The following CDH13 variants were observed in gnomAD, a reference collection of about 807,000 sequenced individuals.
CDH13 encodes cadherin 13, also known as cadherin-13.
In CDH13, 24 loss-of-function variants were observed where a neutral mutation model predicts 63.8. The ratio of observed to expected loss-of-function variants is 0.38; its 90% confidence interval spans 0.27 to 0.53. The LOEUF (loss-of-function observed/expected upper bound fraction) is 0.53, where lower values mean the gene tolerates loss of function less well. CDH13 is among the 20% of genes least tolerant of loss of function. The probability of loss-of-function intolerance (pLI) is 0.85; values close to 1 mark genes in which losing one functional copy is unlikely to be tolerated. For synonymous variants in CDH13, 503 were observed against 355.3 expected, an observed-to-expected ratio of 1.42 and a Z score of -4.67; for missense variants, 1,049 against 903.1, an observed-to-expected ratio of 1.16 and a Z score of -2.07.
At chr16:83,058,498 G>A (rs12446074) in intron 3 of CDH13, among the ~76,000 whole-genome samples, 17,488 of 152,114 alleles carry the variant, frequency 0.11, 1,299 homozygotes, top group Non-Finnish European at 0.16. Flanking sequence ...CAGGGGCGTC[G>A]TTTATTCTAA....
chr16:83,688,407 G>C (rs540265539), intron 10 of CDH13, among the ~76,000 whole-genome samples: 267 of 152,232 alleles, frequency 1.8e-3, no homozygotes, highest in African/African-American at 6.1e-3. Context: ...CCAAAACCAG[G>C]TTTCAAAACC....
chr16:83,512,023 T>TA (rs2074578186), intron 7 of CDH13, among the ~76,000 whole-genome samples: 1 of 152,026 alleles, frequency 6.6e-6, no homozygotes, highest in Admixed American at 6.6e-5. Flanking sequence ...CTAGCTTTTT[T>TA]AAAAAATAAA....
At chr16:83,289,234 C>G (rs867501958) in intron 5 of CDH13, among the ~76,000 whole-genome samples, 1 of 152,178 alleles carries the variant, frequency 6.6e-6, no homozygotes, top group Non-Finnish European at 1.5e-5. Context: ...CATAACCCAA[C>G]CTGGGACCCT....
At chr16:83,360,006 A>G (rs1205005362) in intron 6 of CDH13, among the ~76,000 whole-genome samples, 2 of 152,200 alleles carry the variant, frequency 1.3e-5, no homozygotes, top group Non-Finnish European at 2.9e-5. Flanking sequence ...CTTGCTGGGC[A>G]TTTCATAGAG....
At chr16:83,410,768 G>A (rs954349146) in intron 6 of CDH13, among the ~76,000 whole-genome samples, 4 of 152,102 alleles carry the variant, frequency 2.6e-5, no homozygotes, top group African/African-American at 4.8e-5. Flanking sequence ...TAACTGAGTC[G>A]TTGGCAATCA....
At chr16:83,260,384 C>G (rs921805031) in intron 5 of CDH13, among the ~76,000 whole-genome samples, 1 of 152,140 alleles carries the variant, frequency 6.6e-6, no homozygotes, top group East Asian at 1.9e-4. Context: ...GTCCAGTGTT[C>G]TGGAAAGAAT....
chr16:83,312,355 A>G (rs540466603), intron 5 of CDH13, among the ~76,000 whole-genome samples: 1 of 152,320 alleles, frequency 6.6e-6, no homozygotes, highest in Non-Finnish European at 1.5e-5. Flanking sequence ...GACACTGGCC[A>G]TATTTTGCAA....
chr16:83,504,696 G>T (rs552841521), intron 7 of CDH13, among the ~76,000 whole-genome samples: 49 of 152,318 alleles, frequency 3.2e-4, no homozygotes, highest in African/African-American at 1.1e-3. Flanking sequence ...TAGACATCCA[G>T]ACAGAGTGGC....
chr16:83,594,674 C>T (rs1190877158), intron 7 of CDH13, among the ~76,000 whole-genome samples: 1 of 152,184 alleles, frequency 6.6e-6, no homozygotes, highest in Non-Finnish European at 1.5e-5. Context: ...AGATGGGGTA[C>T]TGTGTGGGTT....
chr16:83,180,170 GT>G (rs948898088), intron 4 of CDH13, among the ~76,000 whole-genome samples: 12 of 151,542 alleles, frequency 7.9e-5, no homozygotes, highest in African/African-American at 2.7e-4. Flanking sequence ...TTGTTTGTTT[GT>G]TTTTTTTATT....
intron 1 of CDH13, among the ~76,000 whole-genome samples, chr16:82,677,274 G>T (rs777189791): frequency 4.6e-5 from 7 of 152,032 alleles, no homozygotes; most frequent in Non-Finnish European, 1.0e-4. Flanking sequence ...CACTTCTTTG[G>T]GAAACATCAC....
At chr16:83,020,889 A>G (rs548601648) in intron 2 of CDH13, among the ~76,000 whole-genome samples, 1 of 152,358 alleles carries the variant, frequency 6.6e-6, no homozygotes, top group South Asian at 2.1e-4. Context: ...ACTTTGTCAC[A>G]TGTCCCTAGA....
At chr16:83,106,264 G>A (rs13334487) in intron 3 of CDH13, among the ~76,000 whole-genome samples, 161 of 152,284 alleles carry the variant, frequency 1.1e-3, no homozygotes, top group African/African-American at 3.5e-3. Context: ...AGCAGGCCAG[G>A]CACCATGGCT....
chr16:83,107,165 A>T (rs1392467722), intron 3 of CDH13, among the ~76,000 whole-genome samples: 2 of 152,142 alleles, frequency 1.3e-5, no homozygotes, highest in Admixed American at 6.5e-5. Flanking sequence ...TTTTCTTCTT[A>T]GGCTTTGCCT....
intron 2 of CDH13, among the ~76,000 whole-genome samples, chr16:82,985,742 T>A (rs1049118835): frequency 2.0e-5 from 3 of 152,104 alleles, no homozygotes; most frequent in Admixed American, 6.6e-5. Context: ...GCATTGGAGG[T>A]GGGACCTGGT....
chr16:82,647,633 C>G (rs1043007066), intron 1 of CDH13, among the ~76,000 whole-genome samples: 2 of 152,124 alleles, frequency 1.3e-5, no homozygotes, highest in Admixed American at 1.3e-4. Context: ...ATCTGGTTGG[C>G]ATTGATTCAA....
At chr16:83,395,825 T>C (rs1482973257) in intron 6 of CDH13, among the ~76,000 whole-genome samples, 2 of 152,194 alleles carry the variant, frequency 1.3e-5, no homozygotes, top group African/African-American at 2.4e-5. Context: ...GAGGAGTACA[T>C]GCACAGGATG....
intron 10 of CDH13, among the ~76,000 whole-genome samples, chr16:83,745,141 A>G (rs907426417): frequency 6.6e-6 from 1 of 152,152 alleles, no homozygotes; most frequent in Non-Finnish European, 1.5e-5. Context: ...AGCCGGCGCA[A>G]TGTAAGGCTC....
At chr16:82,673,232 C>A (rs181350201) in intron 1 of CDH13, among the ~76,000 whole-genome samples, 6 of 152,106 alleles carry the variant, frequency 3.9e-5, no homozygotes, top group African/African-American at 1.2e-4. Flanking sequence ...TGATTAATTT[C>A]CCCTTCCTTT....
Sources: gnomAD v4.1 joint callset for allele counts (sites outside exome capture counted in the v4.1 genomes callset) on GRCh38, gnomAD v4.1.1 for gene constraint, MANE v1.5 for transcripts, NCBI Gene and HGNC (gene_info 2026-07-23, HGNC 2026-07-21) for gene names.